Variants in ZMYM5 observed in about 807,000 individuals in gnomAD.
The protein encoded by ZMYM5 is zinc finger MYM-type containing 5, also known as zinc finger MYM-type protein 5.
ZMYM5 carries 41 observed loss-of-function variants against 61.8 expected under a neutral mutation model. The ratio of observed to expected loss-of-function variants is 0.66; its 90% CI spans 0.52 to 0.86. ZMYM5 has a LOEUF of 0.86. ZMYM5 is among the 40% of genes least tolerant of loss of function. The probability of loss-of-function intolerance (pLI) is 0.00; values close to 1 mark genes in which losing one functional copy is unlikely to be tolerated. For missense variants in ZMYM5, 706 were observed against 786.7 expected, an observed-to-expected ratio of 0.90 and a Z score of 1.23; for synonymous variants, 257 against 276.4, an observed-to-expected ratio of 0.93 and a Z score of 0.70.
intron 4 of ZMYM5, among the ~76,000 whole-genome samples, chr13:19,851,142 G>C (rs1159598755): frequency 6.6e-6 from 1 of 152,128 alleles, no homozygotes; most frequent in African/African-American, 2.4e-5. Flanking sequence ...TTGAACCTGG[G>C]AGGCGGAGGT....
intron 2 of ZMYM5, among the ~76,000 whole-genome samples, chr13:19,853,183 ACCTTTTGTATACTTACTATGC>A (rs1473718680): frequency 1.3e-5 from 2 of 152,112 alleles, no homozygotes; most frequent in Non-Finnish European, 2.9e-5. Context: ...TTAACACTCA[ACCTTTTGTATACTTACTATGC>A]ACTAAGCTAT....
rs1205444485 is a variant in ZMYM5 at position 19,860,448 on chromosome 13, A to ATG, written c.-11+1949_-11+1950dup. On this transcript the variant is annotated intron_variant, in intron 2 of 7. Coordinates refer to ENST00000337963, the MANE Select transcript of ZMYM5 (RefSeq NM_001142684.2). ...GCTAATTTTGTGTGTGTGTGTGTGT[A>ATG]TGTGTGTGTGTGTGTGTGTGTGTAT... Among the ~76,000 whole-genome samples the ATG allele has an allele frequency of 7.1e-3, 1,003 of 141,514 alleles. 15 individuals are homozygous for ATG. The highest frequency in any genetic ancestry group is 0.024 in the African/African-American group (918 of 38,046). 92.8% of individuals were successfully genotyped at this position (141,514 alleles called of 152,430 possible).
At chr13:19,840,592 T>C (rs372879974) in intron 4 of ZMYM5, among the ~76,000 whole-genome samples, 3 of 152,308 alleles carry the variant, frequency 2.0e-5, no homozygotes, top group East Asian at 3.9e-4. Context: ...CAGGCTGATC[T>C]TGAACTCCTG....
At chr13:19,827,593 A>AT (rs1340398143) in intron 7 of ZMYM5, among the ~76,000 whole-genome samples, 29 of 152,312 alleles carry the variant, frequency 1.9e-4, no homozygotes, top group African/African-American at 6.7e-4. Flanking sequence ...TGAGGTCACC[A>AT]TATCTGTCAG....
chr13:19,841,817 A>G (rs911407215), intron 4 of ZMYM5: 1 of 148,772 alleles, frequency 6.7e-6, no homozygotes, highest in African/African-American at 2.5e-5. Context: ...ATATAATCCT[A>G]TTTTTTTTTT....
chr13:19,830,925 C>T (rs577668940), intron 7 of ZMYM5, among the ~76,000 whole-genome samples: 4 of 150,604 alleles, frequency 2.7e-5, no homozygotes, highest in East Asian at 2.0e-4. Flanking sequence ...CTGCAAGCTC[C>T]GCCTCCCAAG....
At position 19,838,723 on chromosome 13, in the gene ZMYM5, G is replaced by A; in HGVS notation, c.849C>T (p.Asn283=). ...LSSFSHKRTQ[N]TRSIICKKDA... is the part of the protein sequence containing the mutation. ...ACTTTTTACATATTATGCTTCGTGT[G>A]TTTTGAGTACGTTTATGAGAGAAGG... Residue 283 remains asparagine, a synonymous_variant, in exon 5 of 8, where the codon AAC becomes AAT. Coordinates refer to ENST00000337963, the MANE Select transcript of ZMYM5 (RefSeq NM_001142684.2). The A allele has an allele frequency of 6.2e-7, 1 of 1,614,192 alleles. No individual in the cohort carries two copies. The highest frequency in any genetic ancestry group is 8.5e-7 in the Non-Finnish European group (1 of 1,180,036).
rs1322461027 is a variant in ZMYM5 at position 19,837,790 on chromosome 13, G to C, written c.904C>G (p.Leu302Val). Residue 302 changes from leucine (L) to valine (V), a missense_variant, in exon 6 of 8, where the codon CTT becomes GTT. By Grantham distance (32) the Leu-to-Val change is conservative. Around this residue, in one of 2 missense-constraint regions of ZMYM5, gnomAD observed 480 missense variants for 461.7 expected, o/e 1.04. Transcript: ENST00000337963. ...DASTKKANVI[L>V]PVESSKSFQE... ...AAGGATTTGCTTGATTCTACTGGAA[G>C]AATGACATTAGCCTTCTTTGTAGAT... is the stretch of plus-strand genomic sequence containing the variant. The C allele has an allele frequency of 6.3e-7, 1 of 1,593,688 alleles. No homozygotes were observed. The highest frequency in any genetic ancestry group is 2.2e-5 in the East Asian group (1 of 44,510).
intron 4 of ZMYM5, among the ~76,000 whole-genome samples, chr13:19,849,283 G>A (rs952889833): frequency 3.3e-5 from 5 of 152,104 alleles, no homozygotes; most frequent in East Asian, 1.9e-4. Context: ...ATGGCGCCTG[G>A]CTAATTTTTT....
chr13:19,826,483 A>G (rs1317991353), intron 7 of ZMYM5, among the ~76,000 whole-genome samples: 4 of 152,260 alleles, frequency 2.6e-5, no homozygotes, highest in Admixed American at 2.0e-4. Context: ...CAGGCCAGGC[A>G]TGGTGGCGCA....
chr13:19,851,747 C>A lies in ZMYM5; in HGVS notation c.434G>T (p.Gly145Val), dbSNP rs760543043. 2 of 1,592,118 alleles carry A rather than the reference C, an allele frequency of 1.3e-6. No homozygotes were observed. Among genetic ancestry groups the A allele is most frequent in the East Asian group, 2.2e-5 (1 of 44,786 alleles). Residue 145 changes from glycine (G) to valine (V), a missense_variant, in exon 3 of 8, where the codon GGA (glycine) becomes GTA (valine). This residue lies in a region of ZMYM5 where 480 missense variants were observed against 461.7 expected (regional missense o/e 1.04). Transcript: ENST00000337963. ...SSCFIEWGLPGTKNKTNDLDF... is the reference protein window; with the variant it reads ...SSCFIEWGLPVTKNKTNDLDF... ...CAAATCGTTGGTTTTGTTTTTAGTTCCAGGAAGTCCCCATTCGATAAAACA... is the reference window on the plus strand; with the variant it reads ...CAAATCGTTGGTTTTGTTTTTAGTTACAGGAAGTCCCCATTCGATAAAACA...
chr13:19,841,510 T>C (rs1466286168), intron 4 of ZMYM5, among the ~76,000 whole-genome samples: 3 of 151,368 alleles, frequency 2.0e-5, no homozygotes, highest in Non-Finnish European at 3.0e-5. Flanking sequence ...TAGCTCTTGA[T>C]GTCTGATACT....
intron 4 of ZMYM5, among the ~76,000 whole-genome samples, chr13:19,846,961 T>A (rs67962876): frequency 0.098 from 14,824 of 150,898 alleles, 851 homozygotes; most frequent in African/African-American, 0.16. Context: ...ATGAAAAAAA[T>A]TTTTTTGAGA....
chr13:19,824,605 G>A lies in ZMYM5; in HGVS notation c.1882C>T (p.His628Tyr). Reference protein sequence around the residue: ...ILSKHEESEMHVNNSVKYSKL... With the variant: ...ILSKHEESEMYVNNSVKYSKL... ...GAGTACTTAACACTATTGTTGACGT[G>A]CATTTCACTTTCTTCATGTTTACTA... is the stretch of plus-strand genomic sequence containing the variant. Residue 628 changes from histidine to tyrosine, a missense_variant, in exon 8 of 8, where the codon CAC becomes TAC. Physicochemically the swap from His to Tyr is moderately conservative, Grantham distance 83 (BLOSUM62 2). Coordinates refer to ENST00000337963, the MANE Select transcript of ZMYM5 (RefSeq NM_001142684.2). The A allele has an allele frequency of 7.6e-7, 1 of 1,313,228 alleles. No individual in the cohort carries two copies. The highest frequency in any genetic ancestry group is 1.0e-6 in the Non-Finnish European group (1 of 994,326). 81.3% of individuals were successfully genotyped at this position (1,313,228 alleles called of 1,614,324 possible).
At chr13:19,825,296 T>A in intron 7 of ZMYM5, 61 bp from the exon 8 acceptor site, 1 of 1,161,610 alleles carries the variant, frequency 8.6e-7, no homozygotes, top group East Asian at 5.9e-5. Flanking sequence ...TAATGTATAT[T>A]CAAATGCTCA....
At chr13:19,827,871 T>C (rs1890991310) in intron 7 of ZMYM5, among the ~76,000 whole-genome samples, 1 of 151,420 alleles carries the variant, frequency 6.6e-6, no homozygotes, top group African/African-American at 2.4e-5. Context: ...TACAGAAAGT[T>C]AGCCAGGCGT....
At chr13:19,836,269 C>CTT (rs112921694) in intron 6 of ZMYM5, among the ~76,000 whole-genome samples, 3 of 144,586 alleles carry the variant, frequency 2.1e-5, no homozygotes, top group Non-Finnish European at 3.1e-5. Context: ...AGATAATGAA[C>CTT]TTTTTTTTTT....
Position 19,851,846 on chromosome 13 carries a change from T to A in ZMYM5, c.335A>T (p.Asn112Ile). The A allele has an allele frequency of 6.2e-7, 1 of 1,612,512 alleles. No individual in the cohort carries two copies. The highest frequency in any genetic ancestry group is 8.5e-7 in the Non-Finnish European group (1 of 1,179,710). ...SSRDLASQKG[N>I]ISETIVIDDE... is the part of the protein sequence containing the mutation. The stretch of plus-strand genomic sequence containing the variant: ...ATCAATAACAATTGTCTCACTTATA[T>A]TTCCTTTCTGAGATGCCAAATCTCT... The change falls in exon 3 of 8, where the codon AAT becomes ATT. Residue 112 changes from asparagine (N) to isoleucine (I), a missense_variant. By Grantham distance (149) the Asn-to-Ile change is moderately radical. This residue lies in a region of ZMYM5 where 480 missense variants were observed against 461.7 expected (regional missense o/e 1.04). Coordinates refer to ENST00000337963, the MANE Select transcript of ZMYM5 (RefSeq NM_001142684.2).
chr13:19,840,778 G>A (rs1952841418), intron 4 of ZMYM5, among the ~76,000 whole-genome samples: 1 of 151,842 alleles, frequency 6.6e-6, no homozygotes, highest in Non-Finnish European at 1.5e-5. Flanking sequence ...CTGGGTTCAT[G>A]CCATTCTCCT....
Sources: allele counts gnomAD v4.1 joint callset (sites outside exome capture counted in the v4.1 genomes callset), GRCh38; gene constraint gnomAD v4.1.1; regional missense constraint gnomAD v4.1.1; transcripts MANE v1.5; gene names NCBI Gene and HGNC (gene_info 2026-07-23, HGNC 2026-07-21).